MFSD12: variants seen among roughly 807,000 people sequenced by gnomAD.
MFSD12 encodes major facilitator superfamily domain-containing protein 12.
Under a neutral mutation model 51.2 loss-of-function variants are expected in MFSD12, and 67 were observed. The ratio of observed to expected loss-of-function variants is 1.31; its 90% CI spans 1.08 to 1.60. The LOEUF is 1.60. MFSD12 is among the 40% of genes most tolerant of loss of function. The probability of loss-of-function intolerance (pLI) is 0.00; values close to 1 mark genes in which losing one functional copy is unlikely to be tolerated. For missense variants in MFSD12, 921 were observed against 673.0 expected (o/e 1.37, Z -4.08); for synonymous variants, 441 against 316.7 (o/e 1.39, Z -4.17).
At chr19:3,547,671 G>T in intron 4 of MFSD12, 124 bp from the exon 5 acceptor site, 1 of 1,163,160 alleles carries the variant, frequency 8.6e-7, no homozygotes, top group Non-Finnish European at 1.2e-6. Context: ...GGTAGTGACT[G>T]CCCAGTGGGG....
At chr19:3,543,083 A>T, downstream of MFSD12, 3 of 1,571,450 alleles carry the variant, frequency 1.9e-6, no homozygotes, top group Non-Finnish European at 1.7e-6. Flanking sequence ...GGTGAGGGGT[A>T]CAGGGCTGAA....
chr19:3,544,080 A>C, downstream of MFSD12: 3 of 1,455,992 alleles, frequency 2.1e-6, no homozygotes, highest in South Asian at 4.2e-5. Flanking sequence ...GTCCCAGGGG[A>C]CCAGAGGCTC....
At chr19:3,557,047 G>GC (rs1326070085) in intron 1 of MFSD12, 59 bp downstream of exon 1, 1 of 1,299,824 alleles carries the variant, frequency 7.7e-7, no homozygotes, top group Non-Finnish European at 9.7e-7. Flanking sequence ...GGGAGGAGGC[G>GC]CCCGGGTCGC....
At chr19:3,546,001 T>G in intron 8 of MFSD12, 73 bp downstream of exon 8, 4 of 1,515,590 alleles carry the variant, frequency 2.6e-6, no homozygotes, top group Non-Finnish European at 3.7e-6. Context: ...CCCAGAACAC[T>G]GCTGGACACA....
Position 3,547,326 on chromosome 19 carries a change from G to A in MFSD12, c.969C>T (p.Ser323=), listed in dbSNP as rs370799261. The change falls in exon 6 of 10, where the codon AGC becomes AGT. Residue 323 remains serine, a synonymous_variant. Coordinates refer to ENST00000355415, the MANE Select transcript of MFSD12 (RefSeq NM_174983.5). The stretch of plus-strand genomic sequence containing the variant: ...TCATGAGGAAGGAGGACAAGAAGCC[G>A]CTGAGGTACATCACCAGGGGAATGG... The part of the protein sequence containing the change: ...IATIPLVMYL[S]GFLSSFLMKP... The A allele has an allele frequency of 2.2e-5, 35 of 1,613,304 alleles. No individual in the cohort carries two copies. Among genetic ancestry groups the A allele is most frequent in the East Asian group, 8.9e-5 (4 of 44,894 alleles).
downstream of MFSD12, among the ~76,000 whole-genome samples, chr19:3,540,828 G>T (rs548081758): frequency 7.2e-6 from 1 of 139,806 alleles, no homozygotes; most frequent in Admixed American, 7.4e-5. Context: ...GCAGTGAGCC[G>T]AGATCGTGCC....
downstream of MFSD12, chr19:3,543,593 C>T (rs1345125868): frequency 1.2e-5 from 18 of 1,544,364 alleles, no homozygotes; most frequent in East Asian, 3.9e-4. Context: ...CTGGCATGAC[C>T]CCATCGTCCC....
intron 8 of MFSD12, among the ~76,000 whole-genome samples, chr19:3,545,848 G>A (rs1363496383): frequency 6.6e-6 from 1 of 152,176 alleles, no homozygotes; most frequent in African/African-American, 2.4e-5. Flanking sequence ...ATATATTTCT[G>A]TACGGTGTCT....
chr19:3,547,415 G>C, intron 5 of MFSD12, 40 bp downstream of exon 5: 4 of 1,611,964 alleles, frequency 2.5e-6, no homozygotes, highest in Non-Finnish European at 3.4e-6. Flanking sequence ...CGCCAGGCTG[G>C]GGCCGTCCCA....
downstream of MFSD12, chr19:3,542,829 A>T (rs745736083): frequency 2.2e-6 from 3 of 1,374,644 alleles, no homozygotes; most frequent in African/African-American, 4.4e-5. Flanking sequence ...TGCCAGCCCC[A>T]GACCACTTCT....
downstream of MFSD12, among the ~76,000 whole-genome samples, chr19:3,541,411 C>G (rs2030401585): frequency 6.6e-6 from 1 of 151,748 alleles, no homozygotes; most frequent in South Asian, 2.1e-4. Context: ...CAACCTCTGC[C>G]TCCTGGGTTC....
rs2030786033 is a variant in MFSD12 at position 3,544,612 on chromosome 19, AAG to A, written c.*96_*97del. 2.4e-6 allele frequency: 3 copies of A among 1,260,032 alleles called. No individual in the cohort carries two copies. The highest frequency in any genetic ancestry group is 3.3e-6 in the Non-Finnish European group (3 of 908,568). The allele number at this position is 1,260,032 out of a possible 1,614,324, so 78.1% of individuals were successfully genotyped here. ...GAGGATGGAGGGTGGGGGTCCAGAG[AAG>A]AGTGAGGGGCAGTGGGGGCTTTTCC... On this transcript the variant is annotated 3_prime_UTR_variant, in exon 10 of 10. Transcript: ENST00000355415.
chr19:3,543,298 G>T (rs1310685513), downstream of MFSD12: 10 of 1,548,916 alleles, frequency 6.5e-6, no homozygotes, highest in South Asian at 1.2e-5. Context: ...CCACACGCTG[G>T]AAGTACACGC....
chr19:3,543,787 CGAG>C (rs375006145), downstream of MFSD12: 39 of 1,494,110 alleles, frequency 2.6e-5, no homozygotes, highest in South Asian at 3.1e-4. Flanking sequence ...TGGCCAACGG[CGAG>C]GAGGTGGGGG....
At chr19:3,545,062 G>A in intron 8 of MFSD12, 123 bp from the exon 9 acceptor site, 4 of 1,289,912 alleles carry the variant, frequency 3.1e-6, no homozygotes, top group East Asian at 2.6e-5. Context: ...GGAGCTGGGG[G>A]CCCTGCCACT....
rs761742405 is a variant in MFSD12 at position 3,544,711 on chromosome 19, CAG to C, written c.1440_1441del (p.Ter481ThrfsTer51). ...ACAGGTGCAGGAGGCTGTCAGGAGT[CAG>C]GGCCGGGCATCACGGTCCCCTGCAA... is the stretch of plus-strand genomic sequence containing the variant. On this transcript the variant is annotated frameshift_variant and stop_lost, in exon 10 of 10. Coordinates refer to ENST00000355415, the MANE Select transcript of MFSD12 (RefSeq NM_174983.5). LOFTEE classifies it high-confidence loss of function. The C allele has an allele frequency of 1.3e-6, 2 of 1,599,562 alleles. No individual in the cohort carries two copies. Among genetic ancestry groups the C allele is most frequent in the Non-Finnish European group, 1.7e-6 (2 of 1,171,682 alleles).
chr19:3,542,145 C>A, downstream of MFSD12: 3 of 985,350 alleles, frequency 3.0e-6, no homozygotes, highest in East Asian at 1.1e-4. Context: ...TTAAAAGCTA[C>A]ATGTGTCTTG....
Position 3,548,006 on chromosome 19 carries a change from C to T in MFSD12, c.679G>A (p.Val227Ile). Residue 227 changes from valine (V) to isoleucine (I), a missense_variant, in exon 4 of 10, where the codon GTC becomes ATC. Val to Ile is a conservative substitution (Grantham distance 29). Coordinates refer to ENST00000355415, the MANE Select transcript of MFSD12 (RefSeq NM_174983.5). ...AATAGCAGTGAGAACACGGCGCCGA[C>T]ACCCACCACCAGCAGGGACAGGTTC... ...FRNLSLLVVG[V>I]GAVFSLLFHL... 1.9e-6 allele frequency: 3 copies of T among 1,599,174 alleles called. No individual in the cohort carries two copies. Among genetic ancestry groups the T allele is most frequent in the Non-Finnish European group, 2.5e-6 (3 of 1,179,404 alleles).
chr19:3,556,188 CAG>C (rs2031714330), intron 1 of MFSD12, among the ~76,000 whole-genome samples: 1 of 152,230 alleles, frequency 6.6e-6, no homozygotes, highest in Non-Finnish European at 1.5e-5. Flanking sequence ...GCAGAACACA[CAG>C]AGAGAGAGGA....
Sources: gnomAD v4.1 joint callset for allele counts (sites outside exome capture counted in the v4.1 genomes callset) on GRCh38, gnomAD v4.1.1 for gene constraint, MANE v1.5 for transcripts, NCBI Gene and HGNC (gene_info 2026-07-23, HGNC 2026-07-21) for gene names.